Variants in NWD2 observed in about 807,000 individuals in gnomAD.
NWD2 encodes the protein NACHT and WD repeat domain-containing protein 2.
A neutral mutation model predicts 132.7 loss-of-function variants in NWD2; 37 were observed. The ratio of observed to expected loss-of-function variants is 0.28; its 90% CI spans 0.21 to 0.37. The LOEUF is 0.37. NWD2 is among the 10% of genes least tolerant of loss of function. The pLI, the probability that NWD2 is intolerant of heterozygous loss-of-function variation, is 1.00. For missense variants in NWD2, 1,592 were observed against 2,122.4 expected, an observed-to-expected ratio of 0.75 and a Z score of 4.91; for synonymous variants, 705 against 803.0, an observed-to-expected ratio of 0.88 and a Z score of 2.06.
chr4:37,430,468 C>G, intron 3 of NWD2, 104 bp from the exon 4 acceptor site: 3 of 810,262 alleles, frequency 3.7e-6, no homozygotes, highest in Non-Finnish European at 3.9e-6. Context: ...AGCAATGTAT[C>G]TTGTTATCTA....
intron 1 of NWD2, among the ~76,000 whole-genome samples, chr4:37,299,368 A>G (rs1241920758): frequency 6.6e-6 from 1 of 152,004 alleles, no homozygotes; most frequent in Admixed American, 6.6e-5. Flanking sequence ...CCCCTTCTGT[A>G]ATAAACTCCA....
chr4:37,353,841 T>C (rs1719818661), intron 2 of NWD2, among the ~76,000 whole-genome samples: 1 of 152,126 alleles, frequency 6.6e-6, no homozygotes, highest in South Asian at 2.1e-4. Context: ...CGAAGCCTAC[T>C]TCTGTCAATT....
intron 1 of NWD2, among the ~76,000 whole-genome samples, chr4:37,248,955 G>A (rs146274316): frequency 2.0e-5 from 3 of 152,254 alleles, no homozygotes; most frequent in Admixed American, 6.5e-5. Flanking sequence ...AACCCATGTC[G>A]GATATGAATA....
intron 3 of NWD2, among the ~76,000 whole-genome samples, chr4:37,402,626 A>G (rs975290224): frequency 6.6e-6 from 1 of 152,154 alleles, no homozygotes; most frequent in African/African-American, 2.4e-5. Context: ...ATTATTTTGA[A>G]GTTCTCATAT....
At chr4:37,270,796 G>A (rs1384220014) in intron 1 of NWD2, among the ~76,000 whole-genome samples, 1 of 151,668 alleles carries the variant, frequency 6.6e-6, no homozygotes, top group African/African-American at 2.4e-5. Context: ...TTTTCAAAAT[G>A]TAGTGGTTTT....
chr4:37,312,189 G>T (rs1259779128), intron 1 of NWD2, among the ~76,000 whole-genome samples: 1 of 151,546 alleles, frequency 6.6e-6, no homozygotes, highest in African/African-American at 2.4e-5. Flanking sequence ...GCTTGATGGG[G>T]ATGGCATTGA....
At chr4:37,383,270 T>G (rs766122172) in intron 3 of NWD2, among the ~76,000 whole-genome samples, 149 of 152,296 alleles carry the variant, frequency 9.8e-4, no homozygotes, top group Non-Finnish European at 1.8e-3. Flanking sequence ...TTTCTCCCTC[T>G]CCCCCTTTGA....
At chr4:37,265,703 A>G (rs1468752384) in intron 1 of NWD2, among the ~76,000 whole-genome samples, 1 of 151,826 alleles carries the variant, frequency 6.6e-6, no homozygotes, top group East Asian at 1.9e-4. Context: ...TTTTGTGGTT[A>G]TATTTCCTCC....
chr4:37,384,115 A>G (rs1218639081), intron 3 of NWD2, among the ~76,000 whole-genome samples: 1 of 151,840 alleles, frequency 6.6e-6, no homozygotes, highest in African/African-American at 2.4e-5. Context: ...CTCCCTCCCC[A>G]CGTCTGATTC....
chr4:37,333,568 C>T (rs949506693), intron 2 of NWD2, among the ~76,000 whole-genome samples: 1 of 152,084 alleles, frequency 6.6e-6, no homozygotes, highest in Admixed American at 6.5e-5. Context: ...GATCACAAAC[C>T]CAAGTCCCTT....
chr4:37,431,319 A>G (rs915245278), intron 4 of NWD2, among the ~76,000 whole-genome samples: 3 of 152,220 alleles, frequency 2.0e-5, no homozygotes, highest in African/African-American at 7.2e-5. Context: ...ATACACACAT[A>G]CTGTGATATT....
At chr4:37,415,567 G>A (rs1033771513) in intron 3 of NWD2, among the ~76,000 whole-genome samples, 2 of 152,036 alleles carry the variant, frequency 1.3e-5, no homozygotes, top group Non-Finnish European at 2.9e-5. Flanking sequence ...AGCCGGGCGT[G>A]GTGGCAGGTG....
intron 4 of NWD2, among the ~76,000 whole-genome samples, chr4:37,433,557 C>T (rs774711484): frequency 3.9e-5 from 6 of 151,992 alleles, no homozygotes; most frequent in Non-Finnish European, 5.9e-5. Context: ...ACTTTCTCTC[C>T]GCTTTGGAGG....
In NWD2 at chr4:37,447,827, T is replaced by C. The variant is rs1295225737; in HGVS notation, c.*610T>C. On this transcript the variant is annotated 3_prime_UTR_variant, in exon 7 of 7. Transcript: ENST00000309447. Reference sequence around the variant, plus strand: ...GGACAAGAACTAACTACCACTATCATAGGGCTACTGAACATGGAGAGTCAG... The same window carrying C: ...GGACAAGAACTAACTACCACTATCACAGGGCTACTGAACATGGAGAGTCAG... 1 of 152,568 alleles carries C rather than the reference T, an allele frequency of 6.6e-6. No homozygotes were observed. The highest frequency in any genetic ancestry group is 2.4e-5 in the African/African-American group (1 of 41,438). 9.5% of individuals were successfully genotyped at this position (152,568 alleles called of 1,614,324 possible). A position where few individuals can be genotyped will look rare whatever the true frequency, so the allele number is the denominator to read the frequency against.
At chr4:37,297,262 T>G (rs535336943) in intron 1 of NWD2, among the ~76,000 whole-genome samples, 3 of 152,298 alleles carry the variant, frequency 2.0e-5, no homozygotes, top group East Asian at 3.9e-4. Flanking sequence ...TTCCATATAA[T>G]TTAAATCATC....
intron 1 of NWD2, among the ~76,000 whole-genome samples, chr4:37,281,602 G>GTA (rs1337977986): frequency 6.6e-6 from 1 of 152,036 alleles, no homozygotes; most frequent in African/African-American, 2.4e-5. Context: ...CTAACCCTGT[G>GTA]AGATTCGTCC....
At chr4:37,299,146 G>A (rs1718562583) in intron 1 of NWD2, among the ~76,000 whole-genome samples, 1 of 152,036 alleles carries the variant, frequency 6.6e-6, no homozygotes, top group Admixed American at 6.6e-5. Context: ...GATTACTGCA[G>A]CTAGTTCAAA....
chr4:37,332,254 G>A (rs1719309485), intron 2 of NWD2, among the ~76,000 whole-genome samples: 1 of 152,132 alleles, frequency 6.6e-6, no homozygotes, highest in Admixed American at 6.5e-5. Flanking sequence ...AGGCAGTGCA[G>A]CTCACGGCTC....
At chr4:37,388,853 CTG>C (rs1420324791) in intron 3 of NWD2, among the ~76,000 whole-genome samples, 2 of 151,096 alleles carry the variant, frequency 1.3e-5, no homozygotes, top group Admixed American at 6.6e-5. Context: ...CCCAGACACT[CTG>C]TACATGTTAA....
Sources: gnomAD v4.1 joint callset for allele counts (sites outside exome capture counted in the v4.1 genomes callset) on GRCh38, gnomAD v4.1.1 for gene constraint, MANE v1.5 for transcripts, NCBI Gene and HGNC (gene_info 2026-07-23, HGNC 2026-07-21) for gene names.